The following TRANK1 variants were observed in gnomAD, a reference collection of about 807,000 sequenced individuals.
TRANK1 encodes the protein tetratricopeptide repeat and ankyrin repeat containing 1, also known as TPR and ankyrin repeat-containing protein 1.
In TRANK1, 198 loss-of-function variants were observed where a neutral mutation model predicts 266.0. The observed-to-expected ratio is 0.74, with a 90% CI of 0.66 to 0.84. The LOEUF is 0.84. TRANK1 is among the 40% of genes least tolerant of loss of function. The pLI is 0.00. For missense variants in TRANK1, 3,326 were observed against 3,634.6 expected, an observed-to-expected ratio of 0.92 and a Z score of 2.18; for synonymous variants, 1,396 against 1,384.1, an observed-to-expected ratio of 1.01 and a Z score of -0.19.
rs569101914 is a variant in TRANK1, at chr3:36,842,097, A to G, written c.5280+525T>C. Among the ~76,000 whole-genome samples the G allele has an allele frequency of 2.6e-5, 4 of 152,324 alleles. No homozygotes were observed. The South Asian group carries it at 8.3e-4, about 32-fold the overall frequency. On this transcript the variant is annotated intron_variant, in intron 18 of 23. Transcript: ENST00000645898. ...AAATGTAAAGAGGTCTGCTACAGAGATAACACTTCCTGGAAGAAAACTGCT... is the reference window on the plus strand; with the variant it reads ...AAATGTAAAGAGGTCTGCTACAGAGGTAACACTTCCTGGAAGAAAACTGCT...
At position 36,857,997 on chromosome 3, in the gene TRANK1, G is replaced by A. The variant is rs753512171; in HGVS notation, c.1725C>T (p.Asn575=). 3 of 1,596,642 alleles carry A rather than the reference G, an allele frequency of 1.9e-6. No homozygotes were observed. The highest frequency in any genetic ancestry group is 3.3e-5 in the Admixed American group (2 of 59,800). Residue 575 remains asparagine, a synonymous_variant, in exon 13 of 24, where the codon AAC becomes AAT. Transcript: ENST00000645898. The surrounding 1 kb of genome is among the most constrained non-coding windows in gnomAD (Gnocchi z 4.3). The part of the protein sequence containing the change: ...LSHLLDLFWS[N]PTEFDYLNPN... ...GGTTGAGGTAGTCGAATTCAGTGGG[G>A]TTGGACCAAAACAGATCCAACAGAT...
intron 7 of TRANK1, 44 bp from the exon 8 acceptor site, chr3:36,890,004 A>C: frequency 6.5e-7 from 1 of 1,527,052 alleles, no homozygotes. Context: ...CCACATACAG[A>C]AAGTCAGCAA....
intron 20 of TRANK1, among the ~76,000 whole-genome samples, chr3:36,837,725 C>T (rs979952898): frequency 1.3e-5 from 2 of 152,194 alleles, no homozygotes; most frequent in South Asian, 2.1e-4. Context: ...GTTAATCTTG[C>T]TGCAGACAAA....
intron 1 of TRANK1, among the ~76,000 whole-genome samples, chr3:36,926,818 C>G (rs9849555): frequency 1.3e-5 from 2 of 152,042 alleles, no homozygotes; most frequent in South Asian, 2.1e-4. Flanking sequence ...GAACAAGGGT[C>G]GAAACTGGGC....
At chr3:36,887,698 A>G (rs2079627364) in intron 8 of TRANK1, among the ~76,000 whole-genome samples, 1 of 152,244 alleles carries the variant, frequency 6.6e-6, no homozygotes, top group Non-Finnish European at 1.5e-5. Context: ...AATGTGGCCC[A>G]GGGAAGCCAA....
chr3:36,839,155 C>T (rs1393948994), intron 18 of TRANK1, among the ~76,000 whole-genome samples: 2 of 152,134 alleles, frequency 1.3e-5, no homozygotes, highest in African/African-American at 2.4e-5. Flanking sequence ...GTTGGCAGAA[C>T]AGCTGGAGTA....
In TRANK1 at chr3:36,861,026, C is replaced by T. The variant is rs1197887333; in HGVS notation, c.1375G>A (p.Gly459Arg). ...TTGCAGTCTTTGATGAGGCAATCCCCAAGCGGTGGTTCTCCACTTACTTTG... is the reference window on the plus strand; with the variant it reads ...TTGCAGTCTTTGATGAGGCAATCCCTAAGCGGTGGTTCTCCACTTACTTTG... ...TRKVSGEPPL[G>R]DCLIKDCNFS... The change falls in exon 11 of 24, where the codon GGG becomes AGG. Residue 459 changes from glycine (G) to arginine (R), a missense_variant. Coordinates refer to ENST00000645898, the MANE Select transcript of TRANK1 (RefSeq NM_001329998.2). The T allele has an allele frequency of 6.5e-7, 1 of 1,537,742 alleles. No individual in the cohort carries two copies. The highest frequency in any genetic ancestry group is 8.7e-7 in the Non-Finnish European group (1 of 1,147,058).
At chr3:36,930,742 G>A (rs1216126051) in intron 1 of TRANK1, among the ~76,000 whole-genome samples, 2 of 152,020 alleles carry the variant, frequency 1.3e-5, no homozygotes, top group Admixed American at 6.6e-5. Context: ...TTCTATAACA[G>A]GCAAATCTAA....
At chr3:36,944,061 G>A (rs2080535321) in intron 1 of TRANK1, among the ~76,000 whole-genome samples, 1 of 152,138 alleles carries the variant, frequency 6.6e-6, no homozygotes, top group African/African-American at 2.4e-5. Context: ...GCGGGACGGA[G>A]ACAGGGAGTT....
rs974542845 is a variant in TRANK1 at position 36,857,754 on chromosome 3, G to A, written c.1968C>T (p.Ser656=). 5 of 1,613,990 alleles carry A rather than the reference G, an allele frequency of 3.1e-6. No homozygotes were observed. Among genetic ancestry groups the A allele is most frequent in the Middle Eastern group, 1.6e-4 (1 of 6,062 alleles). The change falls in exon 13 of 24, where the codon AGC becomes AGT. Residue 656 remains serine, a synonymous_variant. Coordinates refer to ENST00000645898, the MANE Select transcript of TRANK1 (RefSeq NM_001329998.2). The surrounding 1 kb of genome is among the most constrained non-coding windows in gnomAD (Gnocchi z 4.3). ...NKALMENRRR[S]RQDSAAHLGK... is the part of the protein sequence containing the mutation. The stretch of plus-strand genomic sequence containing the variant: ...CCAGGTGGGCAGCAGAGTCCTGCCG[G>A]CTCCTCCTCCTGTTCTCCATCAGAG...
rs376485222 is a variant in TRANK1 at position 36,891,254 on chromosome 3, C to T, written c.775+948G>A. Reference sequence around the variant, plus strand: ...ACTCGGGGGGCTGACGCAGGGGAATCGCCTGAACCCAGGAGGCAAAGGCTG... The same window carrying T: ...ACTCGGGGGGCTGACGCAGGGGAATTGCCTGAACCCAGGAGGCAAAGGCTG... On this transcript the variant is annotated intron_variant, in intron 7 of 23. Transcript: ENST00000645898. 9.9e-5 allele frequency among the ~76,000 whole-genome samples: 15 copies of T among 152,242 alleles called. No homozygotes were observed. The South Asian group carries it at 1.7e-3, about 17-fold the overall frequency.
Position 36,831,033 on chromosome 3 carries a change from A to G in TRANK1, c.8550T>C (p.Asp2850=). ...FFHEKVDPAI[D]EGKLVVQDIE... is the part of the protein sequence containing the mutation. ...TGTCCTGCACCACCAGCTTGCCTTC[A>G]TCAATGGCCGGGTCCACCTTCTCGT... Residue 2850 remains aspartate, a synonymous_variant, in exon 22 of 24, where the codon GAT becomes GAC. Coordinates refer to ENST00000645898, the MANE Select transcript of TRANK1 (RefSeq NM_001329998.2). This position sits in a 1 kb window ranked among gnomAD's most constrained non-coding sequence, Gnocchi z 5.0. The G allele has an allele frequency of 6.2e-7, 1 of 1,614,014 alleles. No homozygotes were observed.
intron 4 of TRANK1, 147 bp from the exon 5 acceptor site, chr3:36,895,905 C>CAA: frequency 1.8e-6 from 1 of 551,734 alleles, no homozygotes; most frequent in Non-Finnish European, 3.2e-6. Flanking sequence ...GTATGAAGTC[C>CAA]TTTATAATTG....
chr3:36,896,053 T>C, intron 4 of TRANK1, among the ~76,000 whole-genome samples: 1 of 152,182 alleles, frequency 6.6e-6, no homozygotes, highest in East Asian at 1.9e-4. Context: ...AATAAACCAC[T>C]AAGGAAGTGC....
chr3:36,928,805 A>G (rs1286425998), intron 1 of TRANK1, among the ~76,000 whole-genome samples: 1 of 152,232 alleles, frequency 6.6e-6, no homozygotes, highest in Non-Finnish European at 1.5e-5. Context: ...TTAAAAAAAA[A>G]GTATTTTTAA....
chr3:36,924,435 A>G (rs528801218), intron 1 of TRANK1, among the ~76,000 whole-genome samples: 1 of 152,304 alleles, frequency 6.6e-6, no homozygotes, highest in South Asian at 2.1e-4. Context: ...GACAAACCCC[A>G]TCTATCCTTC....
At chr3:36,939,567 T>C (rs979062086) in intron 1 of TRANK1, among the ~76,000 whole-genome samples, 9 of 152,200 alleles carry the variant, frequency 5.9e-5, no homozygotes, top group African/African-American at 2.2e-4. Flanking sequence ...GGCCTCAGTT[T>C]CCTTACTGGA....
chr3:36,888,055 C>A (rs1182922628), intron 8 of TRANK1, among the ~76,000 whole-genome samples: 3 of 152,188 alleles, frequency 2.0e-5, no homozygotes, highest in Admixed American at 2.0e-4. Flanking sequence ...ATATTTACAG[C>A]AGCATTATTC....
chr3:36,938,810 T>A (rs1378418268), intron 1 of TRANK1, among the ~76,000 whole-genome samples: 1 of 151,656 alleles, frequency 6.6e-6, no homozygotes, highest in African/African-American at 2.4e-5. Context: ...ATACAAAAAA[T>A]TTAGCGGAGG....
Sources: allele counts gnomAD v4.1 joint callset (sites outside exome capture counted in the v4.1 genomes callset), GRCh38; gene constraint gnomAD v4.1.1; non-coding constraint Gnocchi (gnomAD v3.1); transcripts MANE v1.5; gene names NCBI Gene and HGNC (gene_info 2026-07-23, HGNC 2026-07-21).